Variants in MPP7 observed in about 807,000 individuals in gnomAD.
MPP7 encodes MAGUK p55 scaffold protein 7.
MPP7 carries 60 observed loss-of-function variants against 76.5 expected under a neutral mutation model. The ratio of observed to expected loss-of-function variants is 0.78; its 90% CI spans 0.64 to 0.97. MPP7 has a LOEUF of 0.97. MPP7 is among the 50% of genes least tolerant of loss of function. The pLI is 0.00. For synonymous variants in MPP7, 237 were observed against 244.5 expected (o/e 0.97, Z 0.29); for missense variants, 641 against 694.0 (o/e 0.92, Z 0.86).
chr10:28,294,117 C>A (rs2133136098), intron 1 of MPP7, among the ~76,000 whole-genome samples: 1 of 152,300 alleles, frequency 6.6e-6, no homozygotes, highest in South Asian at 2.1e-4. Context: ...ACAATCCTGG[C>A]TAACACAGTG....
At chr10:28,147,443 C>T (rs765842029) in intron 5 of MPP7, 40 bp downstream of exon 5, 1 of 1,519,412 alleles carries the variant, frequency 6.6e-7, no homozygotes, top group Admixed American at 1.7e-5. Context: ...GAAAGTGGCC[C>T]TGTTTGAAGG....
chr10:28,053,924 T>G lies in MPP7; in HGVS notation c.*141A>C. ...CGTTTGAAATAAGGCTGTAAAAAGATACAAACAAAACCAGCATTCAACTTG... is the reference window on the plus strand; with the variant it reads ...CGTTTGAAATAAGGCTGTAAAAAGAGACAAACAAAACCAGCATTCAACTTG... On this transcript the variant is annotated 3_prime_UTR_variant, in exon 17 of 17. Coordinates refer to ENST00000683449, the MANE Select transcript of MPP7 (RefSeq NM_001318170.2). 1.5e-6 allele frequency: 1 copy of G among 686,258 alleles called. No individual in the cohort carries two copies. Among genetic ancestry groups the G allele is most frequent in the East Asian group, 2.6e-5 (1 of 38,068 alleles). The allele number at this position is 686,258 out of a possible 1,614,324, so 42.5% of individuals were successfully genotyped here. A position where few individuals can be genotyped will look rare whatever the true frequency, so the allele number is the denominator to read the frequency against.
intron 2 of MPP7, among the ~76,000 whole-genome samples, chr10:28,317,971 T>C (rs899478453): frequency 3.3e-5 from 5 of 152,242 alleles, no homozygotes. Context: ...ACGCCATGAC[T>C]GCAGTACCCT....
chr10:28,079,816 TG>T (rs1720368372), intron 12 of MPP7, among the ~76,000 whole-genome samples: 1 of 152,016 alleles, frequency 6.6e-6, no homozygotes, highest in Non-Finnish European at 1.5e-5. Context: ...ATGTGGCACA[TG>T]TGTATATTTT....
In MPP7 at chr10:28,238,694, G is replaced by T; in HGVS notation, c.-90C>A. 1 of 1,265,450 alleles carries T rather than the reference G, an allele frequency of 7.9e-7. No homozygotes were observed. Among genetic ancestry groups the T allele is most frequent in the East Asian group, 2.3e-5 (1 of 43,266 alleles). The allele number at this position is 1,265,450 out of a possible 1,614,324, so 78.4% of individuals were successfully genotyped here. ...GGGAATTCCAATTCAACAGCCTGCA[G>T]CCACGTTGTCTACCAAGATCTGTAT... On this transcript the variant is annotated 5_prime_UTR_variant, in exon 2 of 17. It adds an upstream start codon to the 5' untranslated region. Coordinates refer to ENST00000683449, the MANE Select transcript of MPP7 (RefSeq NM_001318170.2).
At chr10:28,074,781 AATTCT>A (rs1168919046) in intron 12 of MPP7, among the ~76,000 whole-genome samples, 1 of 152,052 alleles carries the variant, frequency 6.6e-6, no homozygotes, top group Admixed American at 6.6e-5. Flanking sequence ...CTTAACTCTA[AATTCT>A]TCTCCAGCCC....
intron 2 of MPP7, among the ~76,000 whole-genome samples, chr10:28,232,096 C>A (rs1023179700): frequency 6.6e-6 from 1 of 152,148 alleles, no homozygotes; most frequent in Non-Finnish European, 1.5e-5. Flanking sequence ...ATAGCTCACA[C>A]CTGTAACCCC....
intron 3 of MPP7, among the ~76,000 whole-genome samples, chr10:28,154,743 G>GGT (rs1406418282): frequency 7.5e-6 from 1 of 133,342 alleles, no homozygotes; most frequent in African/African-American, 2.7e-5. Context: ...AGTTAGTTGG[G>GGT]GTGGGGGGTG....
chr10:28,210,093 T>C (rs914609326), intron 2 of MPP7, among the ~76,000 whole-genome samples: 1 of 152,204 alleles, frequency 6.6e-6, no homozygotes, highest in Non-Finnish European at 1.5e-5. Flanking sequence ...ACTGCAGCCC[T>C]TTCCCTTCCA....
chr10:28,217,569 T>C (rs12252045), intron 2 of MPP7, among the ~76,000 whole-genome samples: 2,326 of 123,880 alleles, frequency 0.019, 71 homozygotes, highest in African/African-American at 0.058. Flanking sequence ...AAAGAAAAAC[T>C]GCATCAGGGA....
rs993414096 is a variant in MPP7 at position 28,303,024 on chromosome 10, T to C, written c.-295A>G. Among the ~76,000 whole-genome samples the C allele has an allele frequency of 6.7e-6, 1 of 149,682 alleles. No homozygotes were observed. The highest frequency in any genetic ancestry group is 6.6e-5 in the Admixed American group (1 of 15,114). ...GCGGGCGCAGAACGCACGAGCCCAG[T>C]GGGAGCCCGGCCCCCGCCTCCAGCC... On this transcript the variant is annotated 5_prime_UTR_variant, in exon 1 of 17. Coordinates refer to ENST00000683449, the MANE Select transcript of MPP7 (RefSeq NM_001318170.2).
At chr10:28,118,985 T>C (rs1386241379) in intron 11 of MPP7, 2 of 985,110 alleles carry the variant, frequency 2.0e-6, no homozygotes, top group Non-Finnish European at 2.4e-6. Context: ...CTAGGCGAGG[T>C]GGAACAGGGA....
At chr10:28,226,567 G>A (rs1840877) in intron 2 of MPP7, among the ~76,000 whole-genome samples, 26,345 of 152,050 alleles carry the variant, frequency 0.17, 2,560 homozygotes, top group African/African-American at 0.26. Flanking sequence ...CTCTTAATGA[G>A]TACTGAGTTT....
intron 2 of MPP7, among the ~76,000 whole-genome samples, chr10:28,221,361 C>T (rs1838499182): frequency 1.3e-5 from 2 of 152,070 alleles, no homozygotes; most frequent in Non-Finnish European, 2.9e-5. Flanking sequence ...TTAAATCCTT[C>T]CCACCCAAAA....
In MPP7 at chr10:28,088,244, A is replaced by G. The variant is rs939590268; in HGVS notation, c.1123+1427T>C. Reference sequence around the variant, plus strand: ...TTTCCATAAGTATCATCACGAGTTTATAAAAGAACAATTAACAAGAGTGAT... The same window carrying G: ...TTTCCATAAGTATCATCACGAGTTTGTAAAAGAACAATTAACAAGAGTGAT... On this transcript the variant is annotated intron_variant, in intron 12 of 16. Transcript: ENST00000683449. Among the ~76,000 whole-genome samples, 4 of 152,092 alleles carry G rather than the reference A, an allele frequency of 2.6e-5. No homozygotes were observed. In the East Asian group the frequency reaches 5.8e-4, roughly 22 times the overall value.
rs145100775 is a variant in MPP7 at position 28,184,117 on chromosome 10, T to C, written c.156+18036A>G. On this transcript the variant is annotated intron_variant, in intron 3 of 16. Transcript: ENST00000683449. ...AGAAGATATTTATATATAAAGACAATATATTAAGATATATATCTTACATAT... is the reference window on the plus strand; with the variant it reads ...AGAAGATATTTATATATAAAGACAACATATTAAGATATATATCTTACATAT... 3.3e-3 allele frequency among the ~76,000 whole-genome samples: 494 copies of C among 149,756 alleles called. 3 individuals are homozygous for C. The highest frequency in any genetic ancestry group is 0.011 in the African/African-American group (450 of 41,070).
At chr10:28,118,919 T>C (rs1834741673) in intron 11 of MPP7, 1 of 985,396 alleles carries the variant, frequency 1.0e-6, no homozygotes, top group African/African-American at 1.7e-5. Flanking sequence ...ACAGTTTCTA[T>C]GCTAAAAACA....
At chr10:28,244,353 C>A (rs1478241490) in intron 1 of MPP7, among the ~76,000 whole-genome samples, 1 of 152,060 alleles carries the variant, frequency 6.6e-6, no homozygotes, top group Non-Finnish European at 1.5e-5. Context: ...TAATCATAAA[C>A]AAAATTGCAT....
chr10:28,093,764 A>G (rs1853431307), intron 11 of MPP7, among the ~76,000 whole-genome samples: 1 of 152,120 alleles, frequency 6.6e-6, no homozygotes, highest in African/African-American at 2.4e-5. Flanking sequence ...TACTTTCATC[A>G]TAAACAATGA....
Sources: allele counts gnomAD v4.1 joint callset (sites outside exome capture counted in the v4.1 genomes callset), GRCh38; gene constraint gnomAD v4.1.1; transcripts MANE v1.5; gene names NCBI Gene and HGNC (gene_info 2026-07-23, HGNC 2026-07-21).